The following TBC1D22A variants were observed in gnomAD, a reference collection of about 807,000 sequenced individuals.
The protein encoded by TBC1D22A is TBC1 domain family member 22A.
Under a neutral mutation model 60.2 loss-of-function variants are expected in TBC1D22A, and 38 were observed. That is an observed-to-expected ratio of 0.63 (90% CI 0.49 to 0.83). TBC1D22A has a LOEUF of 0.83. Ranked by LOEUF, TBC1D22A falls within the 40% of genes least tolerant of loss-of-function variation. The pLI is 0.00. For missense variants in TBC1D22A, 628 were observed against 701.0 expected, an observed-to-expected ratio of 0.90 and a Z score of 1.18; for synonymous variants, 302 against 281.7, an observed-to-expected ratio of 1.07 and a Z score of -0.72.
intron 11 of TBC1D22A, among the ~76,000 whole-genome samples, chr22:47,049,223 G>A (rs528709553): frequency 6.6e-6 from 1 of 152,192 alleles, no homozygotes; most frequent in Non-Finnish European, 1.5e-5. Flanking sequence ...GCCAACCTTC[G>A]GCTTTGCGCC....
At chr22:47,131,289 G>A (rs900113281) in intron 12 of TBC1D22A, among the ~76,000 whole-genome samples, 2 of 152,236 alleles carry the variant, frequency 1.3e-5, no homozygotes, top group African/African-American at 4.8e-5. Context: ...AGACCTTGCT[G>A]TAACCTCGTG....
At chr22:47,021,358 T>C (rs1373086173) in intron 10 of TBC1D22A, among the ~76,000 whole-genome samples, 5 of 103,314 alleles carry the variant, frequency 4.8e-5, no homozygotes, top group Non-Finnish European at 3.8e-5. Context: ...CTAGCAGAAC[T>C]CCACCTGTAT....
At chr22:47,141,581 G>A (rs972549067) in intron 12 of TBC1D22A, among the ~76,000 whole-genome samples, 5 of 152,174 alleles carry the variant, frequency 3.3e-5, no homozygotes, top group African/African-American at 9.7e-5. Flanking sequence ...TTCCAGCTTC[G>A]TCGGCTGCCC....
At chr22:47,032,639 T>G (rs2062515829) in intron 10 of TBC1D22A, among the ~76,000 whole-genome samples, 1 of 152,232 alleles carries the variant, frequency 6.6e-6, no homozygotes, top group African/African-American at 2.4e-5. Context: ...CACTGCTGCC[T>G]TGGTACACTG....
rs76850005 is a variant in TBC1D22A, at chr22:46,948,731, G to A, written c.1016-25559G>A. On this transcript the variant is annotated intron_variant, in intron 8 of 12. Coordinates refer to ENST00000337137, the MANE Select transcript of TBC1D22A (RefSeq NM_014346.5). ...AGAAAGAAATGATAGTTGCTGAAAC[G>A]GAGCCTGCTCCTATTGTTAAGAGGC... is the stretch of plus-strand genomic sequence containing the variant. Among the ~76,000 whole-genome samples the A allele has an allele frequency of 6.5e-3, 985 of 152,334 alleles. 8 individuals carry two copies. The highest frequency in any genetic ancestry group is 0.011 in the Non-Finnish European group (719 of 68,030).
chr22:47,073,500 G>A lies in TBC1D22A; in HGVS notation c.1329+36302G>A, dbSNP rs151328720. On this transcript the variant is annotated intron_variant, in intron 11 of 12. Coordinates refer to ENST00000337137, the MANE Select transcript of TBC1D22A (RefSeq NM_014346.5). ...CTCTGCCAGCATGCTGAGGCTGCGG[G>A]GAAAAACCATGAAGCCTCATAAATA... Among the ~76,000 whole-genome samples the A allele has an allele frequency of 5.0e-3, 756 of 152,134 alleles. 5 individuals are homozygous for A. Among genetic ancestry groups the A allele is most frequent in the African/African-American group, 0.018 (730 of 41,510 alleles).
intron 9 of TBC1D22A, among the ~76,000 whole-genome samples, chr22:46,988,181 G>C (rs749831749): frequency 6.6e-6 from 1 of 152,074 alleles, no homozygotes; most frequent in South Asian, 2.1e-4. Flanking sequence ...CACATTTTCA[G>C]ACTGTTTCTA....
chr22:46,960,821 C>A (rs1021896634), intron 8 of TBC1D22A, among the ~76,000 whole-genome samples: 27 of 152,000 alleles, frequency 1.8e-4, no homozygotes, highest in Admixed American at 5.9e-4. Context: ...GTGGCGGGTG[C>A]CTGTAGTCCC....
At chr22:46,764,878 T>G (rs532244499) in intron 1 of TBC1D22A, among the ~76,000 whole-genome samples, 10 of 152,328 alleles carry the variant, frequency 6.6e-5, no homozygotes, top group African/African-American at 2.4e-4. Flanking sequence ...GCCCTGCAGA[T>G]GACCACTTGA....
At chr22:47,164,548 G>C (rs533449247) in intron 12 of TBC1D22A, among the ~76,000 whole-genome samples, 1 of 152,208 alleles carries the variant, frequency 6.6e-6, no homozygotes, top group Non-Finnish European at 1.5e-5. Flanking sequence ...CCCTTGCTGA[G>C]GAGACTGGCG....
chr22:46,959,838 C>T (rs1325820068), intron 8 of TBC1D22A, among the ~76,000 whole-genome samples: 2 of 152,208 alleles, frequency 1.3e-5, no homozygotes, highest in African/African-American at 4.8e-5. Context: ...AATGACCTGC[C>T]ATCGGCATTT....
chr22:46,986,611 T>G (rs897807338), intron 9 of TBC1D22A, among the ~76,000 whole-genome samples: 1 of 152,260 alleles, frequency 6.6e-6, no homozygotes, highest in Non-Finnish European at 1.5e-5. Flanking sequence ...AATTTGTTTC[T>G]GAATATTTTG....
chr22:47,053,377 C>T (rs1408905050), intron 11 of TBC1D22A, among the ~76,000 whole-genome samples: 2 of 152,210 alleles, frequency 1.3e-5, no homozygotes, highest in Admixed American at 6.5e-5. Context: ...TCCCAGTCCC[C>T]CTTGGTAGGG....
At chr22:46,841,733 A>G (rs1276978034) in intron 4 of TBC1D22A, among the ~76,000 whole-genome samples, 7 of 152,264 alleles carry the variant, frequency 4.6e-5, no homozygotes. Context: ...ACTTTCGTTT[A>G]TACGATGAAT....
intron 7 of TBC1D22A, among the ~76,000 whole-genome samples, chr22:46,898,412 G>A (rs1394622720): frequency 2.0e-5 from 3 of 152,166 alleles, no homozygotes; most frequent in Non-Finnish European, 2.9e-5. Flanking sequence ...TTTCTCCCGG[G>A]ATGATTTTCA....
intron 4 of TBC1D22A, among the ~76,000 whole-genome samples, chr22:46,807,937 G>A (rs801651): frequency 0.6 from 91,707 of 151,876 alleles, 27,704 homozygotes; most frequent in Middle Eastern, 0.72. Context: ...ACTGCACTCC[G>A]GCCTGGGTGA....
At chr22:46,775,878 G>C (rs1019853581) in intron 1 of TBC1D22A, among the ~76,000 whole-genome samples, 1 of 152,234 alleles carries the variant, frequency 6.6e-6, no homozygotes, top group Non-Finnish European at 1.5e-5. Flanking sequence ...CCTTTAAAAT[G>C]CTTAATCATT....
chr22:46,772,782 G>C (rs1018716306), intron 1 of TBC1D22A, among the ~76,000 whole-genome samples: 10 of 151,464 alleles, frequency 6.6e-5, no homozygotes, highest in Non-Finnish European at 1.5e-4. Context: ...GAGTAGCTGG[G>C]ATTACAGGTG....
chr22:47,082,794 G>A (rs948997691), intron 11 of TBC1D22A, among the ~76,000 whole-genome samples: 2 of 152,194 alleles, frequency 1.3e-5, no homozygotes, highest in Non-Finnish European at 2.9e-5. Context: ...ATGTTAAGTG[G>A]TACCACCACT....
Sources: allele counts gnomAD v4.1 joint callset (sites outside exome capture counted in the v4.1 genomes callset), GRCh38; gene constraint gnomAD v4.1.1; transcripts MANE v1.5; gene names NCBI Gene and HGNC (gene_info 2026-07-23, HGNC 2026-07-21).